CACNA1S: variants seen among roughly 807,000 people sequenced by gnomAD.
The protein encoded by CACNA1S is calcium voltage-gated channel subunit alpha1 S, also known as voltage-dependent L-type calcium channel subunit alpha-1S.
A neutral mutation model predicts 207.4 loss-of-function variants in CACNA1S; 126 were observed. The observed-to-expected ratio is 0.61, with a 90% CI of 0.53 to 0.70. The LOEUF is 0.70. Ranked by LOEUF, CACNA1S falls within the 30% of genes least tolerant of loss-of-function variation. The probability of loss-of-function intolerance (pLI) is 0.00; values close to 1 mark genes in which losing one functional copy is unlikely to be tolerated. For synonymous variants in CACNA1S, 960 were observed against 932.7 expected (o/e 1.03, Z -0.53); for missense variants, 2,349 against 2,422.8 (o/e 0.97, Z 0.64).
chr1:201,088,921 G>T (rs1487842060), intron 6 of CACNA1S, among the ~76,000 whole-genome samples: 1 of 152,198 alleles, frequency 6.6e-6, no homozygotes, highest in Non-Finnish European at 1.5e-5. Context: ...AAGACTCAAA[G>T]GGCCCTTCGT....
chr1:201,103,343 T>C (rs1452937625), intron 2 of CACNA1S, among the ~76,000 whole-genome samples: 1 of 152,142 alleles, frequency 6.6e-6, no homozygotes, highest in Non-Finnish European at 1.5e-5. Context: ...CCAGTCTAGA[T>C]TGGAGGCAGG....
At chr1:201,049,588 G>A (rs1456251055) in intron 34 of CACNA1S, among the ~76,000 whole-genome samples, 1 of 152,168 alleles carries the variant, frequency 6.6e-6, no homozygotes, top group Admixed American at 6.5e-5. Flanking sequence ...GACAAGCATG[G>A]CAAGAGCAGC....
At chr1:201,086,197 C>T (rs896246085) in intron 7 of CACNA1S, among the ~76,000 whole-genome samples, 13 of 152,168 alleles carry the variant, frequency 8.5e-5, no homozygotes, top group Admixed American at 6.5e-5. Context: ...AGGGGTTGGC[C>T]CACAGGGCAG....
chr1:201,085,429 C>A lies in CACNA1S; in HGVS notation c.1150+7G>T, dbSNP rs1662005396. On this transcript the variant is annotated splice_region_variant and intron_variant, in intron 8 of 43. Transcript: ENST00000362061. Reference sequence around the variant, plus strand: ...GTGAGTGCTGACCACAGCCTTTGGGCCCAAACCTTCTCTGAAGTCCTCAAC... The same window carrying A: ...GTGAGTGCTGACCACAGCCTTTGGGACCAAACCTTCTCTGAAGTCCTCAAC... 1 of 1,613,566 alleles carries A rather than the reference C, an allele frequency of 6.2e-7. No homozygotes were observed. Among genetic ancestry groups the A allele is most frequent in the African/African-American group, 1.3e-5 (1 of 74,734 alleles).
At chr1:201,045,983 AT>A in intron 38 of CACNA1S, among the ~76,000 whole-genome samples, 1 of 145,972 alleles carries the variant, frequency 6.9e-6, no homozygotes, top group South Asian at 2.1e-4. Context: ...GTATGAGATT[AT>A]TTCAAAATAA....
chr1:201,054,274 C>A (rs947151778), intron 29 of CACNA1S, among the ~76,000 whole-genome samples: 12 of 152,164 alleles, frequency 7.9e-5, no homozygotes, highest in Non-Finnish European at 1.6e-4. Context: ...CAGAGAGAAC[C>A]CGCACTCCAT....
At chr1:201,065,057 G>A (rs1661192575) in intron 22 of CACNA1S, among the ~76,000 whole-genome samples, 1 of 152,224 alleles carries the variant, frequency 6.6e-6, no homozygotes, top group Non-Finnish European at 1.5e-5. Context: ...GCCCTGGGAG[G>A]AGGGGCCTCC....
rs1301119456 is a variant in CACNA1S at position 201,044,411 on chromosome 1, G to A, written c.4714C>T (p.Arg1572Cys). The part of the protein sequence containing the change: ...IEEEAAPEIC[R>C]TVSGDLAAEE... ...GCAGCCAGGTCTCCTGAGACCGTGC[G>A]ACAGATCTCGGGGGCTGCCTCTTCC... is the stretch of plus-strand genomic sequence containing the variant. Residue 1572 changes from arginine to cysteine, a missense_variant, in exon 39 of 44, where the codon CGC becomes TGC. Transcript: ENST00000362061. 13 of 1,613,414 alleles carry A rather than the reference G, an allele frequency of 8.1e-6. No homozygotes were observed. Among genetic ancestry groups the A allele is most frequent in the African/African-American group, 1.3e-5 (1 of 74,848 alleles).
At position 201,110,159 on chromosome 1, in the gene CACNA1S, C is replaced by G; in HGVS notation, c.258+5G>C. On this transcript the variant is annotated splice_donor_5th_base_variant and intron_variant, in intron 2 of 43. Coordinates refer to ENST00000362061, the MANE Select transcript of CACNA1S (RefSeq NM_000069.3). ...CAGGAAGGGAGATGGAAGGGCCAAT[C>G]TTACCAGGCCGAGGTTCAGAGAGTT... 4 of 1,613,758 alleles carry G rather than the reference C, an allele frequency of 2.5e-6. No homozygotes were observed. Among genetic ancestry groups the G allele is most frequent in the Non-Finnish European group, 3.4e-6 (4 of 1,179,612 alleles).
chr1:201,086,541 A>G (rs553524740), intron 7 of CACNA1S, among the ~76,000 whole-genome samples: 9 of 152,356 alleles, frequency 5.9e-5, no homozygotes, highest in Admixed American at 3.3e-4. Context: ...GCGTGTTACC[A>G]TACTGCATAC....
chr1:201,072,706 C>G (rs1321326761), intron 16 of CACNA1S, 49 bp downstream of exon 16: 1 of 1,425,120 alleles, frequency 7.0e-7, no homozygotes, highest in South Asian at 1.1e-5. Context: ...CCGGCACACC[C>G]CTACTTCACC....
At chr1:201,052,536 G>T (rs770145473) in intron 32 of CACNA1S, 21 bp downstream of exon 32, 3 of 1,582,706 alleles carry the variant, frequency 1.9e-6, no homozygotes, top group Admixed American at 3.3e-5. Flanking sequence ...GGTAGGGGTG[G>T]GGGTGGCGGG....
intron 13 of CACNA1S, 33 bp from the exon 14 acceptor site, chr1:201,074,653 T>G (rs985265148): frequency 7.1e-7 from 1 of 1,406,112 alleles, no homozygotes; most frequent in Non-Finnish European, 1.0e-6. Flanking sequence ...CCTTTGGTTG[T>G]AGGTGGAAGG....
chr1:201,087,754 C>T (rs1190111268), intron 7 of CACNA1S, 72 bp downstream of exon 7: 2 of 981,468 alleles, frequency 2.0e-6, no homozygotes, highest in African/African-American at 1.6e-5. Flanking sequence ...TCCCTCCGTT[C>T]CTTTTCCTTC....
At chr1:201,078,918 C>G (rs1294865295) in intron 10 of CACNA1S, among the ~76,000 whole-genome samples, 1 of 151,940 alleles carries the variant, frequency 6.6e-6, no homozygotes, top group Non-Finnish European at 1.5e-5. Flanking sequence ...GTCAAGAGAT[C>G]GAGACCAGCC....
intron 28 of CACNA1S, among the ~76,000 whole-genome samples, chr1:201,054,781 G>C (rs548871984): frequency 6.6e-6 from 1 of 152,186 alleles, no homozygotes; most frequent in Non-Finnish European, 1.5e-5. Context: ...AGAGGTGGGG[G>C]ACAAGGAAAT....
rs141074098 is a variant in CACNA1S, at chr1:201,092,223, AG to A, written c.399-110del. 1.4e-5 allele frequency: 17 copies of A among 1,225,052 alleles called. No homozygotes were observed. The African/African-American group carries it at 2.2e-4, about 16-fold the overall frequency. 75.9% of individuals were successfully genotyped at this position (1,225,052 alleles called of 1,614,324 possible). A position where few individuals can be genotyped will look rare whatever the true frequency, so the allele number is the denominator to read the frequency against. On this transcript the variant is annotated intron_variant, in intron 3 of 43. Coordinates refer to ENST00000362061, the MANE Select transcript of CACNA1S (RefSeq NM_000069.3). ...TGCTTGAGCACCTGTGGAAAGGCCT[AG>A]GGGAGAGACGGCAAATACGGGTGCA...
rs200730765 is a variant in CACNA1S at position 201,069,577 on chromosome 1, G to T, written c.2385C>A (p.Ile795=). The change falls in exon 18 of 44, where the codon ATC becomes ATA. Residue 795 remains isoleucine, a synonymous_variant. Transcript: ENST00000362061. ...AGTTGGTAAACCAGGTGGCATTGAC[G>T]ATGCGGTGACACAGGACACGGATCC... ...TNKIRVLCHR[I]VNATWFTNFI... 41 of 1,561,114 alleles carry T rather than the reference G, an allele frequency of 2.6e-5. No individual in the cohort carries two copies. The East Asian group carries it at 9.6e-4, about 37-fold the overall frequency.
At chr1:201,082,098 G>T (rs190172562) in intron 10 of CACNA1S, among the ~76,000 whole-genome samples, 1 of 143,520 alleles carries the variant, frequency 7.0e-6, no homozygotes, top group Non-Finnish European at 1.5e-5. Context: ...GTGCAATCTC[G>T]GCTCACTGCA....
Sources: gnomAD v4.1 joint callset for allele counts (sites outside exome capture counted in the v4.1 genomes callset) on GRCh38, gnomAD v4.1.1 for gene constraint, MANE v1.5 for transcripts, NCBI Gene and HGNC (gene_info 2026-07-23, HGNC 2026-07-21) for gene names.